The following GLG1 variants were observed in gnomAD, a reference collection of about 807,000 sequenced individuals.
GLG1 encodes Golgi apparatus protein 1.
In GLG1, 38 loss-of-function variants were observed where a neutral mutation model predicts 160.5. The ratio of observed to expected loss-of-function variants is 0.24; its 90% CI spans 0.18 to 0.31. The LOEUF is 0.31. GLG1 is among the 10% of genes least tolerant of loss of function. The probability of loss-of-function intolerance (pLI) is 1.00; values close to 1 mark genes in which losing one functional copy is unlikely to be tolerated. For synonymous variants in GLG1, 644 were observed against 543.4 expected (o/e 1.19, Z -2.57); for missense variants, 1,373 against 1,505.2 (o/e 0.91, Z 1.45).
At chr16:74,553,411 A>G (rs2018261212) in intron 1 of GLG1, among the ~76,000 whole-genome samples, 1 of 151,068 alleles carries the variant, frequency 6.6e-6, no homozygotes. Flanking sequence ...GCTTAACAGT[A>G]CATATTAGAT....
chr16:74,598,054 T>A (rs775303183), intron 1 of GLG1, among the ~76,000 whole-genome samples: 1 of 151,978 alleles, frequency 6.6e-6, no homozygotes, highest in African/African-American at 2.4e-5. Flanking sequence ...ATAAGAATGA[T>A]AATAATAAAA....
chr16:74,484,397 G>A (rs1330478151), intron 9 of GLG1, among the ~76,000 whole-genome samples: 3 of 151,866 alleles, frequency 2.0e-5, no homozygotes, highest in East Asian at 1.9e-4. Context: ...GCAATGGCAC[G>A]ATCTTGGCTT....
intron 1 of GLG1, among the ~76,000 whole-genome samples, chr16:74,566,877 A>T (rs1275551072): frequency 6.6e-6 from 1 of 152,214 alleles, no homozygotes; most frequent in Non-Finnish European, 1.5e-5. Context: ...GAAACTTTAA[A>T]TAAACAACAG....
chr16:74,572,151 G>A (rs1437165123), intron 1 of GLG1, among the ~76,000 whole-genome samples: 2 of 152,180 alleles, frequency 1.3e-5, no homozygotes. Context: ...CCAGGGAGGG[G>A]AAAGGGGCTG....
intron 2 of GLG1, among the ~76,000 whole-genome samples, chr16:74,515,559 C>T (rs139551914): frequency 3.9e-4 from 60 of 151,914 alleles, no homozygotes; most frequent in African/African-American, 1.4e-3. Flanking sequence ...GGGTAAATAA[C>T]GAAATGAAGG....
At chr16:74,544,277 C>G (rs1475797595) in intron 1 of GLG1, among the ~76,000 whole-genome samples, 1 of 152,216 alleles carries the variant, frequency 6.6e-6, no homozygotes, top group Non-Finnish European at 1.5e-5. Context: ...CAGGTACTAG[C>G]TGCAAGATCT....
intron 1 of GLG1, among the ~76,000 whole-genome samples, chr16:74,553,193 C>A (rs2018250262): frequency 6.6e-6 from 1 of 150,490 alleles, no homozygotes; most frequent in South Asian, 2.1e-4. Context: ...GCACTCCAAC[C>A]TGGGCAACAA....
At chr16:74,516,299 T>C (rs2143531463) in intron 2 of GLG1, among the ~76,000 whole-genome samples, 1 of 151,856 alleles carries the variant, frequency 6.6e-6, no homozygotes, top group East Asian at 1.9e-4. Flanking sequence ...GACCACATAG[T>C]TGGAAGTAAA....
At chr16:74,475,024 G>A (rs998786070) in intron 12 of GLG1, among the ~76,000 whole-genome samples, 3 of 152,018 alleles carry the variant, frequency 2.0e-5, no homozygotes, top group African/African-American at 7.2e-5. Context: ...GGGTGTGGTG[G>A]TGGGTGCCTG....
At chr16:74,463,759 G>A in intron 19 of GLG1, 1 of 379,366 alleles carries the variant, frequency 2.6e-6, no homozygotes, top group South Asian at 2.7e-5. Context: ...TGTTTTAGCA[G>A]AGATGAGGTT....
chr16:74,606,889 G>GACTGAGGCA lies in GLG1; in HGVS notation c.197_205dup (p.Leu66_Gln68dup). On this transcript the variant is annotated inframe_insertion, in exon 1 of 26. Coordinates refer to ENST00000422840, the MANE Select transcript of GLG1 (RefSeq NM_001145667.2). ...CTGCTGTTGCTGCTGAAGCTGCGAT[G>GACTGAGGCA]ACTGAGGCAGCTGGGGCAGCTGCTG... 1 of 1,601,898 alleles carries GACTGAGGCA rather than the reference G, an allele frequency of 6.2e-7. No individual in the cohort carries two copies. Among genetic ancestry groups the GACTGAGGCA allele is most frequent in the Non-Finnish European group, 8.5e-7 (1 of 1,175,376 alleles).
In GLG1 at chr16:74,480,467, A is replaced by G. The variant is rs538367821; in HGVS notation, c.1674-73T>C. 4 of 1,132,682 alleles carry G rather than the reference A, an allele frequency of 3.5e-6. No individual in the cohort carries two copies. The East Asian group carries it at 7.1e-5, about 20-fold the overall frequency. 70.2% of individuals were successfully genotyped at this position (1,132,682 alleles called of 1,614,324 possible). On this transcript the variant is annotated intron_variant, in intron 10 of 25. Coordinates refer to ENST00000422840, the MANE Select transcript of GLG1 (RefSeq NM_001145667.2). ...CTTCTAACACAGGCTCAGGGTTTTTATGAGGTGTTTGCTTGTATACTCATT... is the reference window on the plus strand; with the variant it reads ...CTTCTAACACAGGCTCAGGGTTTTTGTGAGGTGTTTGCTTGTATACTCATT...
At chr16:74,505,193 G>C (rs899030442) in intron 3 of GLG1, among the ~76,000 whole-genome samples, 2 of 152,158 alleles carry the variant, frequency 1.3e-5, no homozygotes, top group African/African-American at 4.8e-5. Context: ...ACACACCACC[G>C]AGGAATTATC....
chr16:74,592,395 T>C (rs1958205098), intron 1 of GLG1, among the ~76,000 whole-genome samples: 1 of 152,156 alleles, frequency 6.6e-6, no homozygotes, highest in African/African-American at 2.4e-5. Flanking sequence ...CCACCCGCCT[T>C]GGCCTCCCCA....
rs1042528921 is a variant in GLG1 at position 74,450,312 on chromosome 16, A to C, written c.*2855T>G. 2 of 152,240 alleles carry C rather than the reference A, an allele frequency of 1.3e-5. No individual in the cohort carries two copies. The highest frequency in any genetic ancestry group is 2.9e-5 in the Non-Finnish European group (2 of 68,082). 9.4% of individuals were successfully genotyped at this position (152,240 alleles called of 1,614,324 possible). On this transcript the variant is annotated 3_prime_UTR_variant, in exon 26 of 26. Coordinates refer to ENST00000422840, the MANE Select transcript of GLG1 (RefSeq NM_001145667.2). ...TTTCTCAGCCAGTTGACTGACCTAT[A>C]AGGCCAGGAACCAGGGGTGCCCCAG... is the stretch of plus-strand genomic sequence containing the variant.
At chr16:74,569,469 C>A (rs1381952707) in intron 1 of GLG1, among the ~76,000 whole-genome samples, 1 of 152,160 alleles carries the variant, frequency 6.6e-6, no homozygotes, top group Admixed American at 6.5e-5. Flanking sequence ...AAACCTGGAA[C>A]ACATCCACCT....
At chr16:74,465,086 G>C (rs942142235) in intron 19 of GLG1, among the ~76,000 whole-genome samples, 1 of 152,078 alleles carries the variant, frequency 6.6e-6, no homozygotes, top group East Asian at 1.9e-4. Context: ...TGATCCTCCC[G>C]CCTTGGCCTC....
intron 11 of GLG1, among the ~76,000 whole-genome samples, chr16:74,479,411 C>A (rs2015518547): frequency 6.6e-6 from 1 of 150,910 alleles, no homozygotes; most frequent in East Asian, 1.9e-4. Context: ...GATGTGGGAG[C>A]CCCCATGGTT....
At chr16:74,530,282 T>A (rs148917271) in intron 2 of GLG1, among the ~76,000 whole-genome samples, 1 of 152,228 alleles carries the variant, frequency 6.6e-6, no homozygotes, top group Non-Finnish European at 1.5e-5. Flanking sequence ...CATAAATTCA[T>A]AGAAGTAGAA....
Sources: allele counts gnomAD v4.1 joint callset (sites outside exome capture counted in the v4.1 genomes callset), GRCh38; gene constraint gnomAD v4.1.1; transcripts MANE v1.5; gene names NCBI Gene and HGNC (gene_info 2026-07-23, HGNC 2026-07-21).